Variants in PRUNE2 observed in about 807,000 individuals in gnomAD.
PRUNE2 encodes the protein protein prune homolog 2.
Under a neutral mutation model 252.0 loss-of-function variants are expected in PRUNE2, and 164 were observed. The ratio of observed to expected loss-of-function variants is 0.65; its 90% CI spans 0.57 to 0.74. PRUNE2 has a LOEUF of 0.74. PRUNE2 is among the 30% of genes least tolerant of loss of function. PRUNE2 has a pLI of 0.00. For synonymous variants in PRUNE2, 1,292 were observed against 1,350.2 expected (o/e 0.96, Z 0.94); for missense variants, 3,495 against 3,711.0 (o/e 0.94, Z 1.51).
intron 6 of PRUNE2, among the ~76,000 whole-genome samples, chr9:76,800,062 T>A (rs941507345): frequency 3.9e-5 from 6 of 152,302 alleles, no homozygotes; most frequent in East Asian, 1.9e-4. Flanking sequence ...TCTTTTTTTT[T>A]AATTATACTT....
At chr9:76,646,501 C>T (rs970185114) in intron 11 of PRUNE2, among the ~76,000 whole-genome samples, 41 of 152,314 alleles carry the variant, frequency 2.7e-4, no homozygotes, top group African/African-American at 9.4e-4. Context: ...CACCAGCATG[C>T]GGCAGCTTAT....
intron 6 of PRUNE2, among the ~76,000 whole-genome samples, chr9:76,815,688 G>T (rs1054662764): frequency 6.6e-6 from 1 of 152,076 alleles, no homozygotes; most frequent in Non-Finnish European, 1.5e-5. Flanking sequence ...GCTAGAAAAA[G>T]TACTCAGGTA....
At chr9:76,724,981 C>A (rs912586032) in intron 6 of PRUNE2, among the ~76,000 whole-genome samples, 2 of 152,080 alleles carry the variant, frequency 1.3e-5, no homozygotes, top group African/African-American at 4.8e-5. Flanking sequence ...CTGGGCTACA[C>A]TCTAGCTCCC....
chr9:76,815,734 G>A (rs1486087456), intron 6 of PRUNE2, among the ~76,000 whole-genome samples: 2 of 152,102 alleles, frequency 1.3e-5, no homozygotes, highest in East Asian at 3.9e-4. Context: ...TTTATTTACA[G>A]AGAATCATAA....
Position 76,711,097 on chromosome 9 carries a change from T to C in PRUNE2, c.1177A>G (p.Ile393Val), listed in dbSNP as rs1297906756. 1 of 1,613,970 alleles carries C rather than the reference T, an allele frequency of 6.2e-7. No homozygotes were observed. Among genetic ancestry groups the C allele is most frequent in the East Asian group, 2.2e-5 (1 of 44,882 alleles). Residue 393 changes from isoleucine (I) to valine (V), a missense_variant, in exon 8 of 19, where the codon ATA (isoleucine) becomes GTA (valine). Physicochemically the swap from Ile to Val is conservative, Grantham distance 29. Transcript: ENST00000376718. Reference sequence around the variant, plus strand: ...TTCACAGAGCTGGGTTGTGGCTCTATGTCAGAACCATACAATTCCATAATC... The same window carrying C: ...TTCACAGAGCTGGGTTGTGGCTCTACGTCAGAACCATACAATTCCATAATC... ...SGIMELYGSD[I>V]EPQPSSVNFI...
intron 6 of PRUNE2, among the ~76,000 whole-genome samples, chr9:76,787,772 G>A (rs1159613529): frequency 6.6e-6 from 1 of 152,102 alleles, no homozygotes; most frequent in Non-Finnish European, 1.5e-5. Flanking sequence ...TGCTTTCATG[G>A]TCACTAGACA....
rs187911336 is a variant in PRUNE2 at position 76,676,943 on chromosome 9, T to C, written c.8277-21441A>G. On this transcript the variant is annotated intron_variant, in intron 9 of 18. Transcript: ENST00000376718. ...ATTATGGAGGTCCTGCTGTTCCCACTGTCCACATGTCTATTATATTTGTTC... is the reference window on the plus strand; with the variant it reads ...ATTATGGAGGTCCTGCTGTTCCCACCGTCCACATGTCTATTATATTTGTTC... Among the ~76,000 whole-genome samples the C allele has an allele frequency of 1.3e-3, 199 of 152,352 alleles. 1 individual carries two copies. Among genetic ancestry groups the C allele is most frequent in the African/African-American group, 4.3e-3 (178 of 41,580 alleles).
chr9:76,637,553 A>G lies in PRUNE2; in HGVS notation c.8832-4T>C. On this transcript the variant is annotated splice_region_variant and splice_polypyrimidine_tract_variant and intron_variant, in intron 13 of 18. Transcript: ENST00000376718. The stretch of plus-strand genomic sequence containing the variant: ...CTCTAAAGTACTTATTACATATCTG[A>G]TCACAGGAAGGAAGAGGAATGTTTT... 6.2e-7 allele frequency: 1 copy of G among 1,609,268 alleles called. No individual in the cohort carries two copies. The highest frequency in any genetic ancestry group is 1.1e-5 in the South Asian group (1 of 90,076).
chr9:76,902,166 C>T (rs760449700), intron 1 of PRUNE2, among the ~76,000 whole-genome samples: 2 of 152,128 alleles, frequency 1.3e-5, no homozygotes, highest in Non-Finnish European at 2.9e-5. Context: ...CATTTTTTCC[C>T]CCCAAACTTC....
intron 6 of PRUNE2, among the ~76,000 whole-genome samples, chr9:76,766,666 C>A (rs759714311): frequency 2.3e-4 from 35 of 152,122 alleles, no homozygotes; most frequent in Non-Finnish European, 3.5e-4. Context: ...TCACAGAGGT[C>A]CAGTCACACT....
At position 76,682,067 on chromosome 9, in the gene PRUNE2, C is replaced by T. The variant is rs564208309; in HGVS notation, c.8276+21270G>A. On this transcript the variant is annotated intron_variant, in intron 9 of 18. Transcript: ENST00000376718. ...GACAAAATGAGACCTCCCTGGAGAC[C>T]AGAATTAGCAGGAGACAGTGAAGGC... 1.3e-4 allele frequency among the ~76,000 whole-genome samples: 20 copies of T among 152,076 alleles called. No individual in the cohort carries two copies. In the South Asian group the frequency reaches 4.2e-3, roughly 32 times the overall value.
intron 1 of PRUNE2, among the ~76,000 whole-genome samples, chr9:76,864,919 G>A (rs1048643515): frequency 2.6e-5 from 4 of 152,154 alleles, no homozygotes; most frequent in South Asian, 2.1e-4. Flanking sequence ...GAGGACCCAC[G>A]ATAAGCTCTC....
At chr9:76,902,473 A>G (rs535851605) in intron 1 of PRUNE2, among the ~76,000 whole-genome samples, 1 of 152,302 alleles carries the variant, frequency 6.6e-6, no homozygotes, top group East Asian at 1.9e-4. Flanking sequence ...AAGTATCCAG[A>G]CCAAAAATAT....
chr9:76,754,719 C>A (rs1310812253), intron 6 of PRUNE2, among the ~76,000 whole-genome samples: 1 of 152,068 alleles, frequency 6.6e-6, no homozygotes, highest in Non-Finnish European at 1.5e-5. Flanking sequence ...GTAAACCCAG[C>A]ACTTTGGGAG....
chr9:76,674,596 G>A (rs1167632377), intron 9 of PRUNE2, among the ~76,000 whole-genome samples: 4 of 151,120 alleles, frequency 2.6e-5, no homozygotes, highest in Admixed American at 6.6e-5. Flanking sequence ...AAAAGAGCCC[G>A]CATCGCCAAG....
rs111304101 is a variant in PRUNE2 at position 76,886,188 on chromosome 9, T to G, written c.36+19740A>C. Among the ~76,000 whole-genome samples the G allele has an allele frequency of 2.1e-3, 272 of 126,848 alleles. 2 individuals are homozygous for G. Among genetic ancestry groups the G allele is most frequent in the African/African-American group, 7.4e-3 (253 of 34,390 alleles). The allele number at this position is 126,848 out of a possible 152,430, so 83.2% of individuals were successfully genotyped here. A position where few individuals can be genotyped will look rare whatever the true frequency, so the allele number is the denominator to read the frequency against. ...CGACAGAGCGAGACTCCGTCTAAAT[T>G]AAAAAAAAAAAAAAAAGAACTTATG... is the stretch of plus-strand genomic sequence containing the variant. On this transcript the variant is annotated intron_variant, in intron 1 of 18. Transcript: ENST00000376718.
At chr9:76,869,350 T>C (rs1475631912) in intron 1 of PRUNE2, among the ~76,000 whole-genome samples, 1 of 152,242 alleles carries the variant, frequency 6.6e-6, no homozygotes, top group Non-Finnish European at 1.5e-5. Flanking sequence ...GAGCAATTAC[T>C]GTACTTTGCA....
intron 6 of PRUNE2, among the ~76,000 whole-genome samples, chr9:76,796,305 C>A (rs1238357462): frequency 6.6e-6 from 1 of 152,082 alleles, no homozygotes; most frequent in Non-Finnish European, 1.5e-5. Context: ...ATGACAAGGG[C>A]TGATAAAATA....
rs948736868 is a variant in PRUNE2 at position 76,660,751 on chromosome 9, C to G, written c.8277-5249G>C. Reference sequence around the variant, plus strand: ...GAGCCGAGATTACATCACTGAACTCCAGCCTGGGCAACAGAGCAAGACTCT... The same window carrying G: ...GAGCCGAGATTACATCACTGAACTCGAGCCTGGGCAACAGAGCAAGACTCT... On this transcript the variant is annotated intron_variant, in intron 9 of 18. Coordinates refer to ENST00000376718, the MANE Select transcript of PRUNE2 (RefSeq NM_015225.3). Among the ~76,000 whole-genome samples the G allele has an allele frequency of 2.3e-4, 32 of 137,956 alleles. No individual in the cohort carries two copies. The Admixed American group carries it at 2.5e-3, about 11-fold the overall frequency. The allele number at this position is 137,956 out of a possible 152,430, so 90.5% of individuals were successfully genotyped here.
Sources: gnomAD v4.1 joint callset for allele counts (sites outside exome capture counted in the v4.1 genomes callset) on GRCh38, gnomAD v4.1.1 for gene constraint, MANE v1.5 for transcripts, NCBI Gene and HGNC (gene_info 2026-07-23, HGNC 2026-07-21) for gene names.